PIBF1: variants seen among roughly 807,000 people sequenced by gnomAD.
The protein encoded by PIBF1 is progesterone-induced-blocking factor 1.
Under a neutral mutation model 112.5 loss-of-function variants are expected in PIBF1, and 90 were observed. That is an observed-to-expected ratio of 0.80 (90% confidence interval 0.67 to 0.95). The LOEUF is 0.95. PIBF1 is among the 40% of genes least tolerant of loss of function. The pLI is 0.00. For synonymous variants in PIBF1, 301 were observed against 288.6 expected (o/e 1.04, Z -0.44); for missense variants, 915 against 852.3 (o/e 1.07, Z -0.92).
chr13:72,904,433 C>CTTTTTTTTTTTTTTTTTTTTTTATTTTT (rs2040612905), intron 11 of PIBF1, among the ~76,000 whole-genome samples: 1 of 36,560 alleles, frequency 2.7e-5, no homozygotes, highest in Non-Finnish European at 4.6e-5. Flanking sequence ...CAAAATATTT[C>CTTTTTTTTTTTTTTTTTTTTTTATTTTT]TTTTTTTTTT....
intron 16 of PIBF1, among the ~76,000 whole-genome samples, chr13:72,980,057 A>G (rs976184809): frequency 6.6e-6 from 1 of 152,200 alleles, no homozygotes; most frequent in African/African-American, 2.4e-5. Flanking sequence ...TGGTGCTACA[A>G]AGAACCTAGA....
At chr13:72,785,815 C>T (rs144197378) in intron 2 of PIBF1, among the ~76,000 whole-genome samples, 1 of 152,320 alleles carries the variant, frequency 6.6e-6, no homozygotes, top group East Asian at 1.9e-4. Flanking sequence ...ATACCATATC[C>T]AGACTTACAT....
intron 10 of PIBF1, among the ~76,000 whole-genome samples, chr13:72,872,127 A>G (rs1248288087): frequency 1.3e-5 from 2 of 152,210 alleles, no homozygotes; most frequent in African/African-American, 2.4e-5. Flanking sequence ...CATGTATAAA[A>G]TATAATAATA....
chr13:72,901,245 G>A (rs974537327), intron 11 of PIBF1: 19 of 230,418 alleles, frequency 8.2e-5, no homozygotes, highest in African/African-American at 4.2e-4. Context: ...AGTGGGCTTA[G>A]GACATGAATA....
intron 5 of PIBF1, among the ~76,000 whole-genome samples, chr13:72,819,541 G>C (rs548159672): frequency 6.6e-6 from 1 of 151,960 alleles, no homozygotes; most frequent in Admixed American, 6.6e-5. Flanking sequence ...AAGAGTTGCC[G>C]ACTGATTTGG....
At chr13:72,805,163 G>C (rs2035663216) in intron 5 of PIBF1, among the ~76,000 whole-genome samples, 1 of 152,052 alleles carries the variant, frequency 6.6e-6, no homozygotes, top group Non-Finnish European at 1.5e-5. Flanking sequence ...TGTTTTTTGA[G>C]ATGGAGTCTC....
At chr13:72,826,301 G>T (rs943941148) in intron 6 of PIBF1, among the ~76,000 whole-genome samples, 1 of 152,060 alleles carries the variant, frequency 6.6e-6, no homozygotes, top group Non-Finnish European at 1.5e-5. Context: ...AAGAAAAAAG[G>T]CTTTCTAAAC....
chr13:72,999,692 TTAA>T (rs2139030213), intron 17 of PIBF1, among the ~76,000 whole-genome samples: 1 of 152,310 alleles, frequency 6.6e-6, no homozygotes, highest in African/African-American at 2.4e-5. Flanking sequence ...CTACTGAAGA[TTAA>T]TAGGATGAAA....
intron 10 of PIBF1, among the ~76,000 whole-genome samples, chr13:72,887,218 GT>G (rs1212018089): frequency 3.7e-4 from 56 of 151,642 alleles, no homozygotes; most frequent in African/African-American, 1.3e-3. Context: ...AAAACAGTTG[GT>G]AGAACAATAG....
chr13:72,901,010 A>T, intron 11 of PIBF1: 1 of 416,848 alleles, frequency 2.4e-6, no homozygotes, highest in South Asian at 1.8e-5. Flanking sequence ...CAACCAGAGC[A>T]AAACTCCGTC....
chr13:72,807,774 T>C (rs2035808781), intron 5 of PIBF1, among the ~76,000 whole-genome samples: 1 of 152,210 alleles, frequency 6.6e-6, no homozygotes, highest in African/African-American at 2.4e-5. Flanking sequence ...TTCCCAAAAT[T>C]AGCATGTTCA....
intron 2 of PIBF1, among the ~76,000 whole-genome samples, chr13:72,790,421 T>TCTCACACACA (rs148468398): frequency 3.7e-5 from 5 of 135,542 alleles, no homozygotes; most frequent in African/African-American, 1.2e-4. Flanking sequence ...GAGGAGTCCA[T>TCTCACACACA]CACACACACA....
chr13:72,863,020 T>C (rs2038762064), intron 10 of PIBF1, among the ~76,000 whole-genome samples: 2 of 152,154 alleles, frequency 1.3e-5, no homozygotes, highest in South Asian at 4.1e-4. Context: ...GTAAGAGAAA[T>C]AGTGTTTGTA....
intron 10 of PIBF1, among the ~76,000 whole-genome samples, chr13:72,875,814 T>C (rs535480699): frequency 6.6e-6 from 1 of 152,288 alleles, no homozygotes; most frequent in South Asian, 2.1e-4. Context: ...GTTTTAAAAG[T>C]TCTTTGTATA....
rs2034985988 is a variant in PIBF1 at position 72,792,543 on chromosome 13, G to A, written c.349G>A (p.Ala117Thr). 2.7e-6 allele frequency: 4 copies of A among 1,498,716 alleles called. No individual in the cohort carries two copies. The highest frequency in any genetic ancestry group is 3.6e-6 in the Non-Finnish European group (4 of 1,113,022). The allele number at this position is 1,498,716 out of a possible 1,614,324, so 92.8% of individuals were successfully genotyped here. A position where few individuals can be genotyped will look rare whatever the true frequency, so the allele number is the denominator to read the frequency against. ...CCAATTGGCTTTTCAACAGAAAGATGCCAGGTAAGAAAAGTTTTTTTTAAA... is the reference window on the plus strand; with the variant it reads ...CCAATTGGCTTTTCAACAGAAAGATACCAGGTAAGAAAAGTTTTTTTTAAA... ...DNQLAFQQKDASKYQELMKQE... is the reference protein window; with the variant it reads ...DNQLAFQQKDTSKYQELMKQE... Residue 117 changes from alanine to threonine, a missense_variant, in exon 3 of 18, where the codon GCC becomes ACC. Coordinates refer to ENST00000326291, the MANE Select transcript of PIBF1 (RefSeq NM_006346.4).
chr13:73,007,665 C>T (rs186454673), intron 17 of PIBF1, among the ~76,000 whole-genome samples: 23 of 152,018 alleles, frequency 1.5e-4, no homozygotes, highest in African/African-American at 5.1e-4. Context: ...CAAAATTAGC[C>T]GGGCGTGGTG....
chr13:72,979,707 A>G (rs1003355123), intron 16 of PIBF1, among the ~76,000 whole-genome samples: 2 of 152,090 alleles, frequency 1.3e-5, no homozygotes, highest in African/African-American at 4.8e-5. Context: ...GCAGATCACA[A>G]GATCAGGAGA....
intron 10 of PIBF1, among the ~76,000 whole-genome samples, chr13:72,854,797 C>T (rs944224493): frequency 2.0e-5 from 3 of 150,024 alleles, no homozygotes; most frequent in African/African-American, 7.3e-5. Context: ...CAAAGTGATT[C>T]TACCATTGTA....
intron 17 of PIBF1, among the ~76,000 whole-genome samples, chr13:73,008,361 G>A (rs2044101330): frequency 6.6e-6 from 1 of 152,178 alleles, no homozygotes; most frequent in Non-Finnish European, 1.5e-5. Context: ...GATGTTGCCT[G>A]ATTAGTTAAA....
Sources: allele counts gnomAD v4.1 joint callset (sites outside exome capture counted in the v4.1 genomes callset), GRCh38; gene constraint gnomAD v4.1.1; transcripts MANE v1.5; gene names NCBI Gene and HGNC (gene_info 2026-07-23, HGNC 2026-07-21).